Variants in PARN observed in about 807,000 individuals in gnomAD.
The protein encoded by PARN is poly(A)-specific ribonuclease PARN.
Under a neutral mutation model 102.8 loss-of-function variants are expected in PARN, and 71 were observed. The ratio of observed to expected loss-of-function variants is 0.69; its 90% CI spans 0.57 to 0.84. The LOEUF is 0.84. Among genes scored for constraint, PARN ranks in the 40% least tolerant of loss-of-function variants. The pLI, the probability that PARN is intolerant of heterozygous loss-of-function variation, is 0.00. For missense variants in PARN, 782 were observed against 760.9 expected, an observed-to-expected ratio of 1.03 and a Z score of -0.33; for synonymous variants, 261 against 252.9, an observed-to-expected ratio of 1.03 and a Z score of -0.30.
At chr16:14,484,790 T>A (rs1963567698) in intron 21 of PARN, among the ~76,000 whole-genome samples, 1 of 152,084 alleles carries the variant, frequency 6.6e-6, no homozygotes, top group African/African-American at 2.4e-5. Flanking sequence ...CCCTAAATAT[T>A]TAGTCATCTA....
chr16:14,505,518 T>G (rs1964849798), intron 21 of PARN, among the ~76,000 whole-genome samples: 1 of 151,922 alleles, frequency 6.6e-6, no homozygotes, highest in African/African-American at 2.4e-5. Context: ...CACACAAAAC[T>G]GTACAACAAA....
chr16:14,524,926 A>G (rs1965918275), intron 21 of PARN, among the ~76,000 whole-genome samples: 1 of 152,220 alleles, frequency 6.6e-6, no homozygotes, highest in Non-Finnish European at 1.5e-5. Context: ...TAAATATTAT[A>G]GTCCAACCCA....
chr16:14,560,868 G>A (rs570301424), intron 18 of PARN, among the ~76,000 whole-genome samples: 11 of 152,280 alleles, frequency 7.2e-5, no homozygotes, highest in Non-Finnish European at 1.3e-4. Context: ...TGAAACAGGC[G>A]GTATAGGCCG....
At chr16:14,441,384 T>C (rs1016514643) in intron 23 of PARN, among the ~76,000 whole-genome samples, 4 of 152,200 alleles carry the variant, frequency 2.6e-5, no homozygotes, top group African/African-American at 9.7e-5. Context: ...ATGGAGAAAC[T>C]TGAAGGGGTA....
At chr16:14,490,732 T>C (rs1273187479) in intron 21 of PARN, among the ~76,000 whole-genome samples, 1 of 152,224 alleles carries the variant, frequency 6.6e-6, no homozygotes. Flanking sequence ...TGGATGACAC[T>C]AAAGGTTGCT....
intron 21 of PARN, among the ~76,000 whole-genome samples, chr16:14,486,974 G>A (rs967443586): frequency 4.6e-4 from 70 of 152,360 alleles, no homozygotes; most frequent in African/African-American, 1.6e-3. Context: ...GTGAGTGGGA[G>A]CAGTTCCCTC....
chr16:14,612,499 G>A (rs1209039063), intron 6 of PARN, among the ~76,000 whole-genome samples: 5 of 152,180 alleles, frequency 3.3e-5, no homozygotes, highest in Admixed American at 6.5e-5. Flanking sequence ...TGGGAAGATG[G>A]TAGGGCCACT....
At chr16:14,460,110 A>T (rs942768130) in intron 22 of PARN, among the ~76,000 whole-genome samples, 1 of 152,186 alleles carries the variant, frequency 6.6e-6, no homozygotes. Context: ...GTAAGCCATA[A>T]AGGAACTGAA....
intron 22 of PARN, among the ~76,000 whole-genome samples, chr16:14,480,580 T>C (rs763775299): frequency 3.9e-5 from 6 of 152,168 alleles, no homozygotes; most frequent in Non-Finnish European, 8.8e-5. Context: ...ATATCATTAG[T>C]CATGAGAGAA....
At chr16:14,552,195 A>G in intron 20 of PARN, 100 bp from the exon 21 acceptor site, 1 of 725,396 alleles carries the variant, frequency 1.4e-6, no homozygotes, top group Non-Finnish European at 2.4e-6. Context: ...TCTATCTTTA[A>G]AGAGAGAGAA....
At chr16:14,534,605 T>C (rs1357818119) in intron 21 of PARN, among the ~76,000 whole-genome samples, 1 of 152,162 alleles carries the variant, frequency 6.6e-6, no homozygotes, top group African/African-American at 2.4e-5. Flanking sequence ...TTACATAATA[T>C]TAAAAAAAGA....
At position 14,568,867 on chromosome 16, in the gene PARN, C is replaced by T. The variant is rs1379092171; in HGVS notation, c.1262+12007G>A. Among the ~76,000 whole-genome samples, 3 of 151,754 alleles carry T rather than the reference C, an allele frequency of 2.0e-5. No individual in the cohort carries two copies. In the East Asian group the frequency reaches 5.8e-4, roughly 29 times the overall value. On this transcript the variant is annotated intron_variant, in intron 18 of 23. Transcript: ENST00000437198. ...CCGAGATCACGCCATTGCACTCTAG[C>T]CTGGCAACAGAGCAAGACTCCATCT...
chr16:14,604,174 CTT>C lies in PARN; in HGVS notation c.753_754del (p.Glu253AlafsTer13). 2 of 1,602,928 alleles carry C rather than the reference CTT, an allele frequency of 1.2e-6. No individual in the cohort carries two copies. Among genetic ancestry groups the C allele is most frequent in the Non-Finnish European group, 1.7e-6 (2 of 1,173,292 alleles). Reference sequence around the variant, plus strand: ...TTCTTTGGCATGTTTCTGCTGCTCTCTTCTTTTGCGTTCTTCTTCATCTACTT... The same window carrying C: ...TTCTTTGGCATGTTTCTGCTGCTCTCCTTTTGCGTTCTTCTTCATCTACTT... On this transcript the variant is annotated frameshift_variant, in exon 11 of 24. Coordinates refer to ENST00000437198, the MANE Select transcript of PARN (RefSeq NM_002582.4). LOFTEE classifies it high-confidence loss of function.
At chr16:14,452,102 C>T (rs1961490692) in intron 22 of PARN, among the ~76,000 whole-genome samples, 1 of 152,020 alleles carries the variant, frequency 6.6e-6, no homozygotes, top group South Asian at 2.1e-4. Context: ...CATCATGTGG[C>T]TATTCTACGG....
intron 21 of PARN, among the ~76,000 whole-genome samples, chr16:14,495,524 T>C (rs1964271386): frequency 6.6e-6 from 1 of 152,182 alleles, no homozygotes; most frequent in Non-Finnish European, 1.5e-5. Flanking sequence ...GTGAGAAGAC[T>C]GCCTGGTGGG....
intron 18 of PARN, among the ~76,000 whole-genome samples, chr16:14,563,476 TTGTGTGTGTGTGTGTGTGTGTGTG>T (rs56099416): frequency 6.3e-5 from 9 of 143,648 alleles, no homozygotes; most frequent in East Asian, 4.1e-4. Flanking sequence ...GAAAATTCCT[TTGTGTGTGTGTGTGTGTGTGTGTG>T]TGTGTGTGTG....
In PARN at chr16:14,609,669, C is replaced by T. The variant is rs547910795; in HGVS notation, c.555-546G>A. Among the ~76,000 whole-genome samples the T allele has an allele frequency of 5.9e-5, 9 of 152,294 alleles. No individual in the cohort carries two copies. The East Asian group carries it at 7.7e-4, about 13-fold the overall frequency. On this transcript the variant is annotated intron_variant, in intron 7 of 23. Transcript: ENST00000437198. The stretch of plus-strand genomic sequence containing the variant: ...TATTAGTGACAACTTCTCAAGGACT[C>T]GTCAATACAAGTGATTTAATTTTTG...
intron 22 of PARN, among the ~76,000 whole-genome samples, chr16:14,456,915 C>T (rs542430536): frequency 7.2e-5 from 11 of 152,304 alleles, no homozygotes; most frequent in Admixed American, 7.2e-4. Flanking sequence ...CTCTGCCTTG[C>T]CTCTTATTTA....
At chr16:14,458,460 A>G (rs149591458) in intron 22 of PARN, among the ~76,000 whole-genome samples, 5 of 152,340 alleles carry the variant, frequency 3.3e-5, no homozygotes, top group African/African-American at 1.2e-4. Flanking sequence ...GATTGAACAC[A>G]CTATTTATCT....
Sources: gnomAD v4.1 joint callset for allele counts (sites outside exome capture counted in the v4.1 genomes callset) on GRCh38, gnomAD v4.1.1 for gene constraint, MANE v1.5 for transcripts, NCBI Gene and HGNC (gene_info 2026-07-23, HGNC 2026-07-21) for gene names.